DNAI4: variants seen among roughly 807,000 people sequenced by gnomAD.
DNAI4 encodes the protein dynein axonemal intermediate chain 4, also known as WD repeat domain 78.
DNAI4 carries 85 observed loss-of-function variants against 105.8 expected under a neutral mutation model. That is an observed-to-expected ratio of 0.80 (90% CI 0.67 to 0.96). The LOEUF (loss-of-function observed/expected upper bound fraction) is 0.96. DNAI4 is among the 40% of genes least tolerant of loss of function. The pLI is 0.00. For missense variants in DNAI4, 1,014 were observed against 1,005.6 expected (o/e 1.01, Z -0.11); for synonymous variants, 352 against 331.5 (o/e 1.06, Z -0.67).
At chr1:66,848,412 A>G (rs1430695942) in intron 7 of DNAI4, 1 of 365,136 alleles carries the variant, frequency 2.7e-6, no homozygotes, top group Non-Finnish European at 5.3e-6. Context: ...CATTGTAATC[A>G]CATCTGGAAA....
Position 66,834,022 on chromosome 1 carries a change from T to A in DNAI4, c.1860A>T (p.Lys620Asn). Reference sequence around the variant, plus strand: ...AGTCTAGTCCTTTTCGTATAACCCATTTGGAGATTCTTCCATCTGCTGATA... The same window carrying A: ...AGTCTAGTCCTTTTCGTATAACCCAATTGGAGATTCTTCCATCTGCTGATA... ...VSISADGRIS[K>N]WVIRKGLDCY... Residue 620 changes from lysine (K) to asparagine (N), a missense_variant, in exon 12 of 17, where the codon AAA becomes AAT. Lys to Asn is a moderately conservative substitution (Grantham distance 94, BLOSUM62 0). Transcript: ENST00000371026. 6.2e-7 allele frequency: 1 copy of A among 1,608,596 alleles called. No individual in the cohort carries two copies. The highest frequency in any genetic ancestry group is 8.5e-7 in the Non-Finnish European group (1 of 1,178,368).
intron 5 of DNAI4, among the ~76,000 whole-genome samples, chr1:66,873,852 CT>C (rs749140367): frequency 3.9e-3 from 430 of 110,198 alleles, no homozygotes; most frequent in Middle Eastern, 6.0e-3. Flanking sequence ...TCCCTCTTTC[CT>C]TTTTTTTTTT....
intron 2 of DNAI4, among the ~76,000 whole-genome samples, chr1:66,901,360 T>C (rs1044748154): frequency 2.0e-5 from 3 of 152,204 alleles, no homozygotes; most frequent in Admixed American, 1.3e-4. Context: ...TAAGCAGTGC[T>C]TTAGCTGTAT....
rs370366543 is a variant in DNAI4, at chr1:66,893,901, C to T, written c.346-488G>A. On this transcript the variant is annotated intron_variant, in intron 2 of 16. Coordinates refer to ENST00000371026, the MANE Select transcript of DNAI4 (RefSeq NM_024763.5). ...TAACAGAACTGAAAAGTTCCTATCA[C>T]CTAGTGACATCACAGTCATCATAAT... Among the ~76,000 whole-genome samples, 15 of 152,270 alleles carry T rather than the reference C, an allele frequency of 9.9e-5. No individual in the cohort carries two copies. The South Asian group carries it at 1.9e-3, about 19-fold the overall frequency.
In DNAI4 at chr1:66,910,714, A is replaced by G. The variant is rs145811583; in HGVS notation, c.171-5339T>C. Among the ~76,000 whole-genome samples the G allele has an allele frequency of 2.2e-4, 33 of 152,322 alleles. 2 individuals are homozygous for G. In the East Asian group the frequency reaches 6.0e-3, roughly 28 times the overall value. ...ATTTTTCTCCTTAGAACTTTTTACT[A>G]TCTAACATAGTATATCTTTAACTTA... On this transcript the variant is annotated intron_variant, in intron 1 of 16. Transcript: ENST00000371026.
At chr1:66,880,739 T>A (rs2100707713) in intron 4 of DNAI4, among the ~76,000 whole-genome samples, 1 of 152,244 alleles carries the variant, frequency 6.6e-6, no homozygotes, top group East Asian at 1.9e-4. Flanking sequence ...GAAATGAAAT[T>A]CAAGCTGGCT....
At chr1:66,839,828 TGTTTCACCTACC>T (rs1367399980) in intron 9 of DNAI4, among the ~76,000 whole-genome samples, 4 of 152,244 alleles carry the variant, frequency 2.6e-5, no homozygotes, top group African/African-American at 9.6e-5. Flanking sequence ...GAATTCTGGC[TGTTTCACCTACC>T]AGTTGTGTGA....
At position 66,827,927 on chromosome 1, in the gene DNAI4, C is replaced by A. The variant is rs777232998; in HGVS notation, c.2014-17G>T. The A allele has an allele frequency of 1.3e-6, 2 of 1,487,706 alleles. No individual in the cohort carries two copies. The highest frequency in any genetic ancestry group is 9.3e-7 in the Non-Finnish European group (1 of 1,077,004). 92.2% of individuals were successfully genotyped at this position (1,487,706 alleles called of 1,614,324 possible). ...ATTTGTGTCCTACAACACAAAACAT[C>A]GAAATGCATTGGCTTGTGATACATT... On this transcript the variant is annotated splice_polypyrimidine_tract_variant and intron_variant, in intron 13 of 16. Transcript: ENST00000371026.
chr1:66,828,921 G>A (rs1389702391), intron 13 of DNAI4, among the ~76,000 whole-genome samples: 2 of 152,070 alleles, frequency 1.3e-5, no homozygotes, highest in Admixed American at 1.3e-4. Context: ...ATTTATAAGT[G>A]GTCATTTTTC....
At chr1:66,865,659 C>A (rs1197530847) in intron 6 of DNAI4, among the ~76,000 whole-genome samples, 1 of 152,196 alleles carries the variant, frequency 6.6e-6, no homozygotes, top group Non-Finnish European at 1.5e-5. Flanking sequence ...ACTGTCACAG[C>A]TAGACAAGCA....
In DNAI4 at chr1:66,890,804, A is replaced by G. The variant is rs1034244135; in HGVS notation, c.643+350T>C. ...AGAGGAGGAAGAAGAAGTGAGGAAG[A>G]AGAGGAAAAGAAGAGGAAAAGAGGA... On this transcript the variant is annotated intron_variant, in intron 4 of 16. Coordinates refer to ENST00000371026, the MANE Select transcript of DNAI4 (RefSeq NM_024763.5). The surrounding 1 kb of genome is among the most constrained non-coding windows in gnomAD (Gnocchi z 4.1). The G allele has an allele frequency of 7.9e-5, 24 of 303,482 alleles. No homozygotes were observed. Among genetic ancestry groups the G allele is most frequent in the Middle Eastern group, 6.1e-4 (1 of 1,636 alleles). The allele number at this position is 303,482 out of a possible 1,614,324, so 18.8% of individuals were successfully genotyped here.
In DNAI4 at chr1:66,924,698, G is replaced by A. The variant is rs1200831254; in HGVS notation, c.134C>T (p.Ser45Phe). 9 of 1,614,124 alleles carry A rather than the reference G, an allele frequency of 5.6e-6. No individual in the cohort carries two copies. Among genetic ancestry groups the A allele is most frequent in the Non-Finnish European group, 6.8e-6 (8 of 1,180,058 alleles). The change falls in exon 1 of 17, where the codon TCT becomes TTT. Residue 45 changes from serine to phenylalanine, a missense_variant. Ser to Phe is a radical substitution (Grantham distance 155, BLOSUM62 -2). Coordinates refer to ENST00000371026, the MANE Select transcript of DNAI4 (RefSeq NM_024763.5). ...CTGCTGCTTGTGACTGCCTGCCGGA[G>A]AGACTGGCATGGTGGCGACCAGCTG... ...TPQLVATMPVSPAGSHKQQNF... is the reference protein window; with the variant it reads ...TPQLVATMPVFPAGSHKQQNF...
chr1:66,836,612 C>A (rs1185709648), intron 10 of DNAI4, among the ~76,000 whole-genome samples: 1 of 152,184 alleles, frequency 6.6e-6, no homozygotes, highest in Non-Finnish European at 1.5e-5. Flanking sequence ...TAATTTAAAT[C>A]CTTTCCTGCT....
chr1:66,877,591 A>C (rs1316107371), intron 4 of DNAI4, among the ~76,000 whole-genome samples: 1 of 152,198 alleles, frequency 6.6e-6, no homozygotes, highest in Non-Finnish European at 1.5e-5. Context: ...TGGTACATTT[A>C]GTACAACTAC....
At chr1:66,857,208 C>T (rs935457154) in intron 7 of DNAI4, among the ~76,000 whole-genome samples, 4 of 151,450 alleles carry the variant, frequency 2.6e-5, no homozygotes, top group Non-Finnish European at 5.9e-5. Context: ...AAGCTGGAAA[C>T]CATCATTCAC....
chr1:66,844,164 G>A (rs1646220212), intron 8 of DNAI4, among the ~76,000 whole-genome samples: 1 of 147,232 alleles, frequency 6.8e-6, no homozygotes, highest in Non-Finnish European at 1.5e-5. Context: ...TAAATAACAT[G>A]ATAGATATGT....
At chr1:66,848,083 ATTTATCT>A in intron 7 of DNAI4, 1 of 391,358 alleles carries the variant, frequency 2.6e-6, no homozygotes, top group South Asian at 2.0e-5. Flanking sequence ...AACAATGCAA[ATTTATCT>A]TACAGTTCAG....
In DNAI4 at chr1:66,893,418, TA is replaced by T; in HGVS notation, c.346-6del. Reference sequence around the variant, plus strand: ...AGTTCCATTTATGTCAAATACCTGTTAAAAATGGTTATTTAAAATGAAATAA... The same window carrying T: ...AGTTCCATTTATGTCAAATACCTGTTAAAATGGTTATTTAAAATGAAATAA... On this transcript the variant is annotated splice_polypyrimidine_tract_variant and splice_region_variant and intron_variant, in intron 2 of 16. Coordinates refer to ENST00000371026, the MANE Select transcript of DNAI4 (RefSeq NM_024763.5). 6.8e-7 allele frequency: 1 copy of T among 1,476,388 alleles called. No homozygotes were observed. 91.5% of individuals were successfully genotyped at this position (1,476,388 alleles called of 1,614,324 possible). A position where few individuals can be genotyped will look rare whatever the true frequency, so the allele number is the denominator to read the frequency against.
intron 7 of DNAI4, among the ~76,000 whole-genome samples, chr1:66,857,733 CGTCTGTTG>C (rs1646533557): frequency 6.6e-6 from 1 of 151,902 alleles, no homozygotes; most frequent in Non-Finnish European, 1.5e-5. Flanking sequence ...GGAGTTTCTC[CGTCTGTTG>C]GTCAGGCTGG....
Sources: allele counts gnomAD v4.1 joint callset (sites outside exome capture counted in the v4.1 genomes callset), GRCh38; gene constraint gnomAD v4.1.1; non-coding constraint Gnocchi (gnomAD v3.1); transcripts MANE v1.5; gene names NCBI Gene and HGNC (gene_info 2026-07-23, HGNC 2026-07-21).